The following EPS8L1 variants were observed in gnomAD, a reference collection of about 807,000 sequenced individuals.
EPS8L1 encodes the protein epidermal growth factor receptor kinase substrate 8-like protein 1.
Under a neutral mutation model 91.7 loss-of-function variants are expected in EPS8L1, and 101 were observed. That is an observed-to-expected ratio of 1.10 (90% CI 0.94 to 1.30). The LOEUF (loss-of-function observed/expected upper bound fraction) is 1.30, where lower values mean the gene tolerates loss of function less well. Among genes scored for constraint, EPS8L1 ranks in the 50% most tolerant of loss-of-function variants. The probability of loss-of-function intolerance (pLI) is 0.00; values close to 1 mark genes in which losing one functional copy is unlikely to be tolerated. For synonymous variants in EPS8L1, 506 were observed against 445.3 expected (o/e 1.14, Z -1.72); for missense variants, 1,114 against 1,017.0 (o/e 1.10, Z -1.30).
chr19:55,086,874 G>A lies in EPS8L1; in HGVS notation c.1938G>A (p.Lys646=), dbSNP rs762684123. 1 of 1,455,020 alleles carries A rather than the reference G, an allele frequency of 6.9e-7. No individual in the cohort carries two copies. Among genetic ancestry groups the A allele is most frequent in the South Asian group, 1.4e-5 (1 of 69,416 alleles). The allele number at this position is 1,455,020 out of a possible 1,614,324, so 90.1% of individuals were successfully genotyped here. A position where few individuals can be genotyped will look rare whatever the true frequency, so the allele number is the denominator to read the frequency against. ...ASEVRAWLQA[K]GFSSGTVDAL... Reference sequence around the variant, plus strand: ...AGGTCCGCGCCTGGCTGCAGGCCAAGGGCTTTAGCTCCGGGTGAGTGGGGC... The same window carrying A: ...AGGTCCGCGCCTGGCTGCAGGCCAAAGGCTTTAGCTCCGGGTGAGTGGGGC... The change falls in exon 18 of 20, where the codon AAG becomes AAA. Residue 646 remains lysine (K), a synonymous_variant. Transcript: ENST00000201647.
In EPS8L1 at chr19:55,082,701, G is replaced by T. The variant is rs553741161; in HGVS notation, c.1214+99G>T. 1.1e-5 allele frequency: 13 copies of T among 1,190,520 alleles called. No individual in the cohort carries two copies. The African/African-American group carries it at 1.7e-4, about 15-fold the overall frequency. 73.7% of individuals were successfully genotyped at this position (1,190,520 alleles called of 1,614,324 possible). ...ATGATTGGAAAATAGGACTAGGAGA[G>T]TAGGGAGGGGTTAGAGGCGTGGCTT... On this transcript the variant is annotated intron_variant, in intron 12 of 19. Coordinates refer to ENST00000201647, the MANE Select transcript of EPS8L1 (RefSeq NM_133180.3).
intron 14 of EPS8L1, 82 bp from the exon 15 acceptor site, chr19:55,085,759 C>T: frequency 1.3e-6 from 2 of 1,519,356 alleles, no homozygotes; most frequent in Non-Finnish European, 1.8e-6. Flanking sequence ...TTGGCTCTAA[C>T]CCCAGCTCAC....
rs1414573112 is a variant in EPS8L1, at chr19:55,081,917, G to A, written c.901+18G>A. On this transcript the variant is annotated intron_variant, in intron 9 of 19. Transcript: ENST00000201647. This position sits in a 1 kb window ranked among gnomAD's most constrained non-coding sequence, Gnocchi z 4.9. ...GGCTGGGGGTAAGGGGCACCCTGGC[G>A]TGGGATCTGAACCCCCTCCCGATCT... 1.2e-6 allele frequency: 2 copies of A among 1,601,856 alleles called. No individual in the cohort carries two copies. The highest frequency in any genetic ancestry group is 1.1e-5 in the South Asian group (1 of 90,338).
At chr19:55,079,334 G>C (rs2076203777) in intron 4 of EPS8L1, among the ~76,000 whole-genome samples, 1 of 152,174 alleles carries the variant, frequency 6.6e-6, no homozygotes, top group Admixed American at 6.5e-5. Context: ...CATGAGGAAG[G>C]GGTAGACAAG....
intron 14 of EPS8L1, 151 bp from the exon 15 acceptor site, chr19:55,085,690 T>G: frequency 3.5e-6 from 3 of 858,800 alleles, no homozygotes; most frequent in Non-Finnish European, 5.3e-6. Flanking sequence ...ATTCAGTCTG[T>G]TATTCTTGTT....
intron 18 of EPS8L1, 43 bp from the exon 19 acceptor site, chr19:55,087,260 A>G (rs1048785324): frequency 1.3e-6 from 2 of 1,556,126 alleles, no homozygotes; most frequent in African/African-American, 2.7e-5. Context: ...GGGCTGGGGC[A>G]TCCGCCGACC....
chr19:55,086,378 C>G lies in EPS8L1; in HGVS notation c.1651-14C>G. ...CTCTCCCTAACCCAGGTACTCTCCT[C>G]TCCTTCCTTTCAGAACAGCACTCCT... On this transcript the variant is annotated splice_polypyrimidine_tract_variant and intron_variant, in intron 16 of 19. Transcript: ENST00000201647. The G allele has an allele frequency of 6.3e-7, 1 of 1,588,794 alleles. No individual in the cohort carries two copies. Among genetic ancestry groups the G allele is most frequent in the East Asian group, 2.3e-5 (1 of 44,106 alleles).
At position 55,081,991 on chromosome 19, in the gene EPS8L1, C is replaced by T. The variant is rs1407816712; in HGVS notation, c.901+92C>T. The T allele has an allele frequency of 9.0e-6, 14 of 1,553,708 alleles. No homozygotes were observed. Among genetic ancestry groups the T allele is most frequent in the Admixed American group, 1.9e-5 (1 of 51,558 alleles). ...CAGGCTCTCCCCTCCCGCCACTTGCCAGGGCTGACCTCACCGCCATCTTAA... is the reference window on the plus strand; with the variant it reads ...CAGGCTCTCCCCTCCCGCCACTTGCTAGGGCTGACCTCACCGCCATCTTAA... On this transcript the variant is annotated intron_variant, in intron 9 of 19. Transcript: ENST00000201647. The surrounding 1 kb of genome is among the most constrained non-coding windows in gnomAD (Gnocchi z 4.9).
At position 55,083,496 on chromosome 19, in the gene EPS8L1, C is replaced by T; in HGVS notation, c.1333C>T (p.Gln445Ter). The change falls in exon 13 of 20, where the codon CAG (glutamine) becomes TAG (stop). Residue 445 changes from glutamine (Q) to a stop codon, truncating the protein, a stop_gained. Transcript: ENST00000201647. LOFTEE classifies it high-confidence loss of function. This position sits in a 1 kb window ranked among gnomAD's most constrained non-coding sequence, Gnocchi z 4.7. ...AWEDPVEKQL[Q>*]HERRRRQQSA... is the part of the protein sequence containing the mutation. ...GGAGGACCCAGTTGAGAAACAGCTA[C>T]AGCACGAGCGGAGGCGCCGGCAGGT... The T allele has an allele frequency of 6.2e-7, 1 of 1,611,846 alleles. No individual in the cohort carries two copies. The highest frequency in any genetic ancestry group is 8.5e-7 in the Non-Finnish European group (1 of 1,179,412).
At chr19:55,085,373 G>A (rs541259620) in intron 14 of EPS8L1, among the ~76,000 whole-genome samples, 5 of 152,284 alleles carry the variant, frequency 3.3e-5, no homozygotes, top group East Asian at 3.9e-4. Context: ...CACCATGTTG[G>A]CCAGGATGGT....
chr19:55,083,993 AC>A lies in EPS8L1; in HGVS notation c.1385+351del. The A allele has an allele frequency of 1.8e-6, 1 of 547,904 alleles. No homozygotes were observed. The highest frequency in any genetic ancestry group is 3.3e-6 in the Non-Finnish European group (1 of 304,710). 33.9% of individuals were successfully genotyped at this position (547,904 alleles called of 1,614,324 possible). The stretch of plus-strand genomic sequence containing the variant: ...TTTGTTTTCCCAGGGCCTGGGAAGC[AC>A]CATGCCTGGGCTCCCTAGGAGGACA... On this transcript the variant is annotated intron_variant, in intron 14 of 19. Coordinates refer to ENST00000201647, the MANE Select transcript of EPS8L1 (RefSeq NM_133180.3). The surrounding 1 kb of genome is among the most constrained non-coding windows in gnomAD (Gnocchi z 4.7).
At chr19:55,076,585 C>A in intron 2 of EPS8L1, 124 bp downstream of exon 2, 4 of 1,198,158 alleles carry the variant, frequency 3.3e-6, no homozygotes, top group Admixed American at 2.4e-5. Context: ...GCCCAAGCCC[C>A]GACACTCAGG....
Position 55,080,778 on chromosome 19 carries a change from C to T in EPS8L1, c.436C>T (p.Leu146=). The T allele has an allele frequency of 6.2e-7, 1 of 1,606,268 alleles. No homozygotes were observed. The highest frequency in any genetic ancestry group is 1.7e-4 in the Middle Eastern group (1 of 5,940). ...FFQGLRLGAE[L]IREDIQGALH... ...CTGACGGTGTGATTGGCAGGCGGAG[C>T]TGATCCGAGAGGACATCCAGGGGGC... The change falls in exon 7 of 20, where the codon CTG becomes TTG. Residue 146 remains leucine, a synonymous_variant. Transcript: ENST00000201647.
At chr19:55,077,385 T>C (rs1480346401) in intron 2 of EPS8L1, among the ~76,000 whole-genome samples, 1 of 152,114 alleles carries the variant, frequency 6.6e-6, no homozygotes, top group East Asian at 1.9e-4. Context: ...TTCACCTGCA[T>C]CATCTGACTG....
In EPS8L1 at chr19:55,082,536, G is replaced by A. The variant is rs775206133; in HGVS notation, c.1148G>A (p.Arg383Gln). The change falls in exon 12 of 20, where the codon CGG (arginine) becomes CAG (glutamine). Residue 383 changes from arginine to glutamine, a missense_variant. Arg to Gln is a conservative substitution (Grantham distance 43, BLOSUM62 1). Coordinates refer to ENST00000201647, the MANE Select transcript of EPS8L1 (RefSeq NM_133180.3). The stretch of plus-strand genomic sequence containing the variant: ...ACATCGGATGCCGTGGCGCTGCTGC[G>A]GGACAACGTCACTCCACGTGAAAAC... ...HLTSDAVALLRDNVTPRENEL... is the reference protein window; with the variant it reads ...HLTSDAVALLQDNVTPRENEL... The A allele has an allele frequency of 1.9e-6, 3 of 1,609,298 alleles. No individual in the cohort carries two copies. Among genetic ancestry groups the A allele is most frequent in the East Asian group, 4.5e-5 (2 of 44,680 alleles).
rs754926324 is a variant in EPS8L1, at chr19:55,087,414, C to T, written c.2064C>T (p.Thr688=). 2.5e-6 allele frequency: 4 copies of T among 1,613,960 alleles called. No homozygotes were observed. Among genetic ancestry groups the T allele is most frequent in the African/African-American group, 2.7e-5 (2 of 74,920 alleles). The change falls in exon 19 of 20, where the codon ACC becomes ACT. Residue 688 remains threonine, a synonymous_variant. Transcript: ENST00000201647. ...EEGARVYSQV[T]VQRSLLEDKE... ...GGGCACGTGTGTACAGCCAGGTCAC[C>T]GTGCAGCGCTCGCTGCTGGAGGTGA...
chr19:55,087,407 A>G lies in EPS8L1; in HGVS notation c.2057A>G (p.Gln686Arg). Residue 686 changes from glutamine (Q) to arginine (R), a missense_variant, in exon 19 of 20, where the codon CAG (glutamine) becomes CGG (arginine). Transcript: ENST00000201647. ...GAGGAGGGGGCACGTGTGTACAGCCAGGTCACCGTGCAGCGCTCGCTGCTG... is the reference window on the plus strand; with the variant it reads ...GAGGAGGGGGCACGTGTGTACAGCCGGGTCACCGTGCAGCGCTCGCTGCTG... ...SPEEGARVYS[Q>R]VTVQRSLLED... The G allele has an allele frequency of 1.2e-6, 2 of 1,614,078 alleles. No homozygotes were observed. Among genetic ancestry groups the G allele is most frequent in the African/African-American group, 1.3e-5 (1 of 75,050 alleles).
At chr19:55,087,060 T>A (rs2076360467) in intron 18 of EPS8L1, 172 bp downstream of exon 18, 1 of 1,078,594 alleles carries the variant, frequency 9.3e-7, no homozygotes, top group African/African-American at 1.6e-5. Context: ...GTGATTGCCA[T>A]GTTTTTTCAG....
In EPS8L1 at chr19:55,087,720, C is replaced by A; in HGVS notation, c.*106C>A. 1 of 1,183,020 alleles carries A rather than the reference C, an allele frequency of 8.5e-7. No homozygotes were observed. Among genetic ancestry groups the A allele is most frequent in the South Asian group, 1.3e-5 (1 of 75,664 alleles). 73.3% of individuals were successfully genotyped at this position (1,183,020 alleles called of 1,614,324 possible). ...GATCTTCTGAAGGATGGCCAATCTGCTCCGGCCCTGGTCTTCCCCCATCCC... is the reference window on the plus strand; with the variant it reads ...GATCTTCTGAAGGATGGCCAATCTGATCCGGCCCTGGTCTTCCCCCATCCC... On this transcript the variant is annotated 3_prime_UTR_variant, in exon 20 of 20. Transcript: ENST00000201647.
Sources: allele counts gnomAD v4.1 joint callset (sites outside exome capture counted in the v4.1 genomes callset), GRCh38; gene constraint gnomAD v4.1.1; non-coding constraint Gnocchi (gnomAD v3.1); transcripts MANE v1.5; gene names NCBI Gene and HGNC (gene_info 2026-07-23, HGNC 2026-07-21).